Variants in ELL2 observed in about 807,000 individuals in gnomAD.
ELL2 encodes the protein elongation factor for RNA polymerase II 2.
ELL2 carries 21 observed loss-of-function variants against 72.8 expected under a neutral mutation model. The observed-to-expected ratio is 0.29, with a 90% CI of 0.20 to 0.42. The LOEUF is 0.42. ELL2 is among the 10% of genes least tolerant of loss of function. The probability of loss-of-function intolerance (pLI) is 1.00; values close to 1 mark genes in which losing one functional copy is unlikely to be tolerated. For missense variants in ELL2, 568 were observed against 772.8 expected, an observed-to-expected ratio of 0.73 and a Z score of 3.14; for synonymous variants, 266 against 283.2, an observed-to-expected ratio of 0.94 and a Z score of 0.61.
At chr5:95,910,919 CAT>C (rs1160666277) in intron 4 of ELL2, among the ~76,000 whole-genome samples, 1 of 152,182 alleles carries the variant, frequency 6.6e-6, no homozygotes, top group African/African-American at 2.4e-5. Flanking sequence ...AGATCACACT[CAT>C]ATAATTTGCT....
At chr5:95,892,645 C>A (rs1336400212) in intron 9 of ELL2, among the ~76,000 whole-genome samples, 2 of 152,118 alleles carry the variant, frequency 1.3e-5, no homozygotes, top group East Asian at 3.9e-4. Flanking sequence ...CACATATATT[C>A]TTCACTGCCA....
At chr5:95,947,604 A>G (rs1368402590) in intron 1 of ELL2, among the ~76,000 whole-genome samples, 3 of 152,202 alleles carry the variant, frequency 2.0e-5, no homozygotes, top group Non-Finnish European at 4.4e-5. Context: ...TCTAAGAGGT[A>G]GAGTACATCG....
chr5:95,948,937 T>C (rs187533101), intron 1 of ELL2, among the ~76,000 whole-genome samples: 1 of 152,354 alleles, frequency 6.6e-6, no homozygotes, highest in East Asian at 1.9e-4. Context: ...CTTTCACTGC[T>C]CTTAGAAGCT....
chr5:95,909,630 A>G (rs1749504790), intron 4 of ELL2, among the ~76,000 whole-genome samples: 1 of 152,232 alleles, frequency 6.6e-6, no homozygotes, highest in Admixed American at 6.5e-5. Context: ...CCATTTTAAT[A>G]AAACCTATGG....
chr5:95,941,950 T>TA (rs1379627433), intron 2 of ELL2, among the ~76,000 whole-genome samples: 1 of 152,198 alleles, frequency 6.6e-6, no homozygotes, highest in Admixed American at 6.5e-5. Context: ...CATGAACACT[T>TA]AGTCACTGAA....
chr5:95,893,575 C>A (rs1381279819), intron 9 of ELL2, among the ~76,000 whole-genome samples: 1 of 152,022 alleles, frequency 6.6e-6, no homozygotes, highest in Non-Finnish European at 1.5e-5. Flanking sequence ...TTAGTAGAGA[C>A]GGGGTTTCAC....
At chr5:95,893,681 G>A (rs184592836) in intron 9 of ELL2, among the ~76,000 whole-genome samples, 21 of 152,224 alleles carry the variant, frequency 1.4e-4, no homozygotes, top group South Asian at 4.1e-4. Flanking sequence ...CACCGCGCCC[G>A]GCCTCGATCA....
chr5:95,894,021 T>A (rs1001056258), intron 9 of ELL2, among the ~76,000 whole-genome samples: 1 of 152,256 alleles, frequency 6.6e-6, no homozygotes, highest in Non-Finnish European at 1.5e-5. Flanking sequence ...AGGCTTGAGG[T>A]GGGTGGATCA....
intron 2 of ELL2, among the ~76,000 whole-genome samples, chr5:95,921,146 A>T (rs1409514079): frequency 6.6e-6 from 1 of 152,246 alleles, no homozygotes; most frequent in Non-Finnish European, 1.5e-5. Flanking sequence ...AAAGAAAAAA[A>T]GGTAAGAAGG....
At chr5:95,960,170 C>T (rs1751764753) in intron 1 of ELL2, among the ~76,000 whole-genome samples, 1 of 151,200 alleles carries the variant, frequency 6.6e-6, no homozygotes, top group South Asian at 2.1e-4. Flanking sequence ...GTCCTTCTGC[C>T]CCTCTGTCTG....
intron 3 of ELL2, 138 bp downstream of exon 3, chr5:95,919,286 T>C: frequency 1.8e-6 from 2 of 1,081,306 alleles, no homozygotes; most frequent in Non-Finnish European, 2.5e-6. Context: ...CTTAATATTT[T>C]TCAGATAAAT....
chr5:95,944,241 T>C (rs1004681376), intron 1 of ELL2, among the ~76,000 whole-genome samples: 1 of 152,188 alleles, frequency 6.6e-6, no homozygotes, highest in African/African-American at 2.4e-5. Flanking sequence ...ACAGACCACC[T>C]GAATGTAAAA....
At position 95,933,630 on chromosome 5, in the gene ELL2, T is replaced by A. The variant is rs148738997; in HGVS notation, c.195+9372A>T. Among the ~76,000 whole-genome samples the A allele has an allele frequency of 8.5e-3, 1,298 of 152,276 alleles. 17 individuals carry two copies. The highest frequency in any genetic ancestry group is 0.03 in the African/African-American group (1,253 of 41,558). ...CTATTAGGGACCCTTTTATTACTCA[T>A]CTTTATTCTTATGTGTATTTTATAC... On this transcript the variant is annotated intron_variant, in intron 2 of 11. Coordinates refer to ENST00000237853, the MANE Select transcript of ELL2 (RefSeq NM_012081.6).
At chr5:95,918,620 TCA>T (rs1467516593) in intron 3 of ELL2, among the ~76,000 whole-genome samples, 2 of 152,188 alleles carry the variant, frequency 1.3e-5, no homozygotes, top group African/African-American at 2.4e-5. Flanking sequence ...CACAGATAAG[TCA>T]CAGAGATACG....
Position 95,914,573 on chromosome 5 carries a change from G to A in ELL2, c.318-639C>T, listed in dbSNP as rs1580499667. 2.6e-5 allele frequency among the ~76,000 whole-genome samples: 4 copies of A among 152,040 alleles called. No homozygotes were observed. The South Asian group carries it at 8.3e-4, about 32-fold the overall frequency. On this transcript the variant is annotated intron_variant, in intron 3 of 11. Coordinates refer to ENST00000237853, the MANE Select transcript of ELL2 (RefSeq NM_012081.6). Reference sequence around the variant, plus strand: ...TTTTTATAGCAATTTTTTTTTAAAGGCCAGGCACGGTGGCTCATCCCTGTA... The same window carrying A: ...TTTTTATAGCAATTTTTTTTTAAAGACCAGGCACGGTGGCTCATCCCTGTA...
chr5:95,948,383 TG>T (rs1751250459), intron 1 of ELL2, among the ~76,000 whole-genome samples: 1 of 125,432 alleles, frequency 8.0e-6, no homozygotes, highest in Non-Finnish European at 1.5e-5. Flanking sequence ...TGAGCCGAGA[TG>T]GCGCCACAGC....
intron 1 of ELL2, 43 bp downstream of exon 1, chr5:95,961,532 C>T (rs1289971134): frequency 4.0e-6 from 6 of 1,504,464 alleles, no homozygotes; most frequent in Admixed American, 2.2e-5. Flanking sequence ...GTGAGGGGTG[C>T]GCTCTGCCTC....
At chr5:95,898,064 A>G (rs1237604100) in intron 8 of ELL2, among the ~76,000 whole-genome samples, 176 bp downstream of exon 8, 6 of 150,912 alleles carry the variant, frequency 4.0e-5, no homozygotes, top group Admixed American at 4.0e-4. Context: ...TTGGCCAAAA[A>G]GAGATGGAAA....
chr5:95,920,566 G>A (rs571738543), intron 2 of ELL2, among the ~76,000 whole-genome samples: 2 of 151,924 alleles, frequency 1.3e-5, no homozygotes, highest in Admixed American at 6.6e-5. Context: ...CCTACTAGAT[G>A]AGAAGTCCCA....
Sources: gnomAD v4.1 joint callset for allele counts (sites outside exome capture counted in the v4.1 genomes callset) on GRCh38, gnomAD v4.1.1 for gene constraint, MANE v1.5 for transcripts, NCBI Gene and HGNC (gene_info 2026-07-23, HGNC 2026-07-21) for gene names.